The following SHANK2 variants were observed in gnomAD, a reference collection of about 807,000 sequenced individuals.
SHANK2 encodes SH3 and multiple ankyrin repeat domains 2.
A neutral mutation model predicts 133.7 loss-of-function variants in SHANK2; 43 were observed. That is an observed-to-expected ratio of 0.32 (90% CI 0.25 to 0.41). The LOEUF is 0.41. SHANK2 is among the 10% of genes least tolerant of loss of function. The pLI is 1.00. For synonymous variants in SHANK2, 1,017 were observed against 952.8 expected (o/e 1.07, Z -1.24); for missense variants, 1,994 against 2,235.8 (o/e 0.89, Z 2.18).
At chr11:70,499,597 G>A (rs2059021112) in intron 21 of SHANK2, among the ~76,000 whole-genome samples, 1 of 152,226 alleles carries the variant, frequency 6.6e-6, no homozygotes, top group Admixed American at 6.5e-5. Flanking sequence ...GCTGGGGTTT[G>A]GCCTTGGATT....
intron 9 of SHANK2, among the ~76,000 whole-genome samples, chr11:71,056,882 G>GA (rs1950928596): frequency 1.3e-5 from 2 of 150,932 alleles, no homozygotes; most frequent in Non-Finnish European, 2.9e-5. Flanking sequence ...GAAAAGAAAA[G>GA]AAAATCTGGA....
At chr11:70,511,614 G>T (rs570920168) in intron 17 of SHANK2, among the ~76,000 whole-genome samples, 15 of 152,312 alleles carry the variant, frequency 9.8e-5, no homozygotes, top group African/African-American at 3.6e-4. Context: ...AGCTCCTGGG[G>T]ATAACTGCCT....
intron 5 of SHANK2, among the ~76,000 whole-genome samples, chr11:71,112,890 C>T (rs572133975): frequency 1.1e-3 from 165 of 152,292 alleles, no homozygotes; most frequent in African/African-American, 3.7e-3. Flanking sequence ...AACTTCAGTG[C>T]AATTTATGTG....
intron 17 of SHANK2, among the ~76,000 whole-genome samples, chr11:70,510,397 G>A (rs538186846): frequency 5.9e-5 from 9 of 152,322 alleles, no homozygotes; most frequent in Admixed American, 2.0e-4. Flanking sequence ...CAGCCCTCCC[G>A]CGCTCATGCT....
At chr11:71,167,177 C>G (rs1953170098) in intron 2 of SHANK2, among the ~76,000 whole-genome samples, 1 of 152,110 alleles carries the variant, frequency 6.6e-6, no homozygotes, top group South Asian at 2.1e-4. Context: ...AAAAGTCTCC[C>G]ACGTCTACCT....
intron 11 of SHANK2, among the ~76,000 whole-genome samples, chr11:70,857,822 C>T (rs1271441787): frequency 6.6e-6 from 1 of 152,210 alleles, no homozygotes; most frequent in Non-Finnish European, 1.5e-5. Flanking sequence ...AACAGCAGAT[C>T]ACAGCGATGG....
Position 70,486,180 on chromosome 11 carries a change from G to T in SHANK2, c.4113C>A (p.Pro1371=), listed in dbSNP as rs144836592. ...AGCCCACCGCGACGATGGTTCTGCC[G>T]GGCACGGTGGTGGGCTCGGGGGCAG... The part of the protein sequence containing the change: ...ISAAPEPTTV[P]GRTIVAVGSM... The change falls in exon 25 of 26, where the codon CCC becomes CCA. Residue 1371 remains proline (P), a synonymous_variant. Transcript: ENST00000601538. This position sits in a 1 kb window ranked among gnomAD's most constrained non-coding sequence, Gnocchi z 8.0. 6.2e-7 allele frequency: 1 copy of T among 1,613,446 alleles called. No individual in the cohort carries two copies. Among genetic ancestry groups the T allele is most frequent in the South Asian group, 1.1e-5 (1 of 91,056 alleles).
intron 3 of SHANK2, among the ~76,000 whole-genome samples, chr11:71,130,113 T>C (rs1405275708): frequency 6.6e-6 from 1 of 152,178 alleles, no homozygotes; most frequent in African/African-American, 2.4e-5. Flanking sequence ...CTTGATTGCC[T>C]CTGTAAAGAC....
intron 8 of SHANK2, among the ~76,000 whole-genome samples, chr11:71,085,854 TGTTATTTTA>T (rs1951392581): frequency 0.014 from 1 of 72 alleles, no homozygotes; most frequent in Non-Finnish European, 0.028. Flanking sequence ...TAATATATAT[TGTTATTTTA>T]ATATATTATA....
intron 2 of SHANK2, among the ~76,000 whole-genome samples, chr11:71,149,321 C>T (rs1344266154): frequency 3.3e-5 from 5 of 152,216 alleles, no homozygotes; most frequent in Non-Finnish European, 7.3e-5. Flanking sequence ...CAGCCCCGCC[C>T]TGGAGGAACC....
intron 17 of SHANK2, among the ~76,000 whole-genome samples, chr11:70,658,159 C>T (rs2061427668): frequency 6.7e-6 from 1 of 149,542 alleles, no homozygotes; most frequent in South Asian, 2.2e-4. Flanking sequence ...CACTCTTACA[C>T]CACCTATAGA....
At chr11:70,584,360 C>A (rs1474416437) in intron 17 of SHANK2, among the ~76,000 whole-genome samples, 1 of 152,194 alleles carries the variant, frequency 6.6e-6, no homozygotes, top group Non-Finnish European at 1.5e-5. Context: ...CAGGGTTTTG[C>A]TGACCCTGGA....
In SHANK2 at chr11:70,947,524, C is replaced by T. The variant is rs549581591; in HGVS notation, c.1108-50957G>A. Among the ~76,000 whole-genome samples, 735 of 151,998 alleles carry T rather than the reference C, an allele frequency of 4.8e-3. 4 individuals carry two copies. The highest frequency in any genetic ancestry group is 0.031 in the Middle Eastern group (9 of 294). ...TGTGCCACCACCATGCCTGGCTAATCCTGGGTAATTTTTGTATTTTTAATA... is the reference window on the plus strand; with the variant it reads ...TGTGCCACCACCATGCCTGGCTAATTCTGGGTAATTTTTGTATTTTTAATA... On this transcript the variant is annotated intron_variant, in intron 10 of 25. Coordinates refer to ENST00000601538, the MANE Select transcript of SHANK2 (RefSeq NM_012309.5).
intron 17 of SHANK2, among the ~76,000 whole-genome samples, chr11:70,594,998 C>T (rs544362630): frequency 3.4e-4 from 52 of 152,282 alleles, no homozygotes; most frequent in African/African-American, 1.1e-3. Flanking sequence ...AGCCGGGAGC[C>T]GGGTCTCTCT....
At chr11:70,747,646 C>T (rs1555036518) in intron 14 of SHANK2, among the ~76,000 whole-genome samples, 1 of 152,192 alleles carries the variant, frequency 6.6e-6, no homozygotes, top group Non-Finnish European at 1.5e-5. Flanking sequence ...CCCCAGGCCC[C>T]AATTCCATGC....
chr11:70,890,010 A>G (rs1949815254), intron 11 of SHANK2, among the ~76,000 whole-genome samples: 1 of 152,120 alleles, frequency 6.6e-6, no homozygotes, highest in South Asian at 2.1e-4. Flanking sequence ...TTAAACAGCA[A>G]CAGATTAGTA....
intron 14 of SHANK2, among the ~76,000 whole-genome samples, chr11:70,725,600 C>T (rs1946163169): frequency 6.6e-6 from 1 of 152,176 alleles, no homozygotes; most frequent in African/African-American, 2.4e-5. Flanking sequence ...TCAGATGAAC[C>T]TCACCCCAAT....
chr11:70,784,364 T>TTTTTTTTTTTTG (rs1947598872), intron 14 of SHANK2, among the ~76,000 whole-genome samples: 1 of 133,482 alleles, frequency 7.5e-6, no homozygotes, highest in African/African-American at 3.3e-5. Context: ...TTTTTTTTTT[T>TTTTTTTTTTTTG]TTTTTTTTTT....
rs183735889 is a variant in SHANK2, at chr11:70,794,289, A to C, written c.1777+4154T>G. The stretch of plus-strand genomic sequence containing the variant: ...GAGACTCCGTCTCAGAAAAAAAAAA[A>C]AAAACAACATATAAACCACTGAGTC... On this transcript the variant is annotated intron_variant, in intron 14 of 25. Coordinates refer to ENST00000601538, the MANE Select transcript of SHANK2 (RefSeq NM_012309.5). Among the ~76,000 whole-genome samples, 100 of 151,792 alleles carry C rather than the reference A, an allele frequency of 6.6e-4. 1 individual carries two copies. The highest frequency in any genetic ancestry group is 2.4e-3 in the African/African-American group (99 of 41,446).
Sources: allele counts gnomAD v4.1 joint callset (sites outside exome capture counted in the v4.1 genomes callset), GRCh38; gene constraint gnomAD v4.1.1; non-coding constraint Gnocchi (gnomAD v3.1); transcripts MANE v1.5; gene names NCBI Gene and HGNC (gene_info 2026-07-23, HGNC 2026-07-21).